Variants in BFSP2 observed in about 807,000 individuals in gnomAD.
The protein encoded by BFSP2 is beaded filament structural protein 2, also known as phakinin.
Under a neutral mutation model 44.9 loss-of-function variants are expected in BFSP2, and 38 were observed. The ratio of observed to expected loss-of-function variants is 0.85; its 90% CI spans 0.65 to 1.11. The LOEUF is 1.11. BFSP2 is among the 50% of genes least tolerant of loss of function. BFSP2 has a pLI of 0.00. For missense variants in BFSP2, 525 were observed against 533.0 expected, an observed-to-expected ratio of 0.99 and a Z score of 0.15; for synonymous variants, 197 against 209.9, an observed-to-expected ratio of 0.94 and a Z score of 0.53.
intron 1 of BFSP2, chr3:133,429,482 G>A (rs1424962728): frequency 6.6e-6 from 1 of 152,206 alleles, no homozygotes; most frequent in East Asian, 1.9e-4. Context: ...GCAACTGATT[G>A]GATGAGAATA....
chr3:133,473,958 T>C (rs1273176987), intron 6 of BFSP2, among the ~76,000 whole-genome samples: 2 of 152,188 alleles, frequency 1.3e-5, no homozygotes, highest in Non-Finnish European at 1.5e-5. Flanking sequence ...ATACTGGCCA[T>C]ACCCATCTGC....
intron 4 of BFSP2, among the ~76,000 whole-genome samples, chr3:133,452,268 G>T (rs2107928212): frequency 6.6e-6 from 1 of 152,170 alleles, no homozygotes; most frequent in South Asian, 2.1e-4. Flanking sequence ...TTCCCAGCAG[G>T]GTCTTCATCA....
At chr3:133,465,407 G>A (rs370778405) in intron 4 of BFSP2, among the ~76,000 whole-genome samples, 5 of 152,308 alleles carry the variant, frequency 3.3e-5, no homozygotes, top group African/African-American at 7.2e-5. Flanking sequence ...CCAGAAAACC[G>A]TAACCTAGGA....
intron 1 of BFSP2, among the ~76,000 whole-genome samples, chr3:133,427,672 C>A (rs1559965105): frequency 6.6e-6 from 1 of 152,202 alleles, no homozygotes; most frequent in East Asian, 1.9e-4. Flanking sequence ...CAGACACATC[C>A]ATCCTGGCAA....
chr3:133,409,662 A>T (rs963895209), intron 1 of BFSP2, among the ~76,000 whole-genome samples: 1 of 152,232 alleles, frequency 6.6e-6, no homozygotes, highest in African/African-American at 2.4e-5. Flanking sequence ...ATGAAAAACT[A>T]CTACAGTCAT....
At chr3:133,435,767 C>T (rs1000032623) in intron 1 of BFSP2, among the ~76,000 whole-genome samples, 2 of 152,148 alleles carry the variant, frequency 1.3e-5, no homozygotes, top group African/African-American at 2.4e-5. Flanking sequence ...CTGCTATGGC[C>T]TTCGTCTTCA....
In BFSP2 at chr3:133,428,592, G is replaced by A. The variant is rs183142730; in HGVS notation, c.490-18725G>A. On this transcript the variant is annotated intron_variant, in intron 1 of 6. Transcript: ENST00000302334. ...TGCCGTAAGCCTCAACAGGTCCCAC[G>A]CGAATTTCTGAGGAACTTAGATTCC... Among the ~76,000 whole-genome samples, 364 of 152,260 alleles carry A rather than the reference G, an allele frequency of 2.4e-3. 3 individuals are homozygous for A. Among genetic ancestry groups the A allele is most frequent in the African/African-American group, 8.2e-3 (341 of 41,548 alleles).
chr3:133,414,882 CTCAT>C (rs1209572064), intron 1 of BFSP2, among the ~76,000 whole-genome samples: 7 of 125,564 alleles, frequency 5.6e-5, no homozygotes, highest in Non-Finnish European at 9.7e-5. Context: ...CTCCCCTCTA[CTCAT>C]CCCTGTCCTC....
chr3:133,429,507 C>G (rs369457529), intron 1 of BFSP2: 1 of 152,204 alleles, frequency 6.6e-6, no homozygotes, highest in Non-Finnish European at 1.5e-5. Flanking sequence ...CATTATGGCA[C>G]GCAGGCAACC....
chr3:133,448,861 G>A (rs2073929294), intron 3 of BFSP2: 4 of 603,230 alleles, frequency 6.6e-6, no homozygotes, highest in Non-Finnish European at 5.8e-6. Context: ...GAACCAGTGT[G>A]GTACAGAAAC....
chr3:133,451,568 T>A (rs2073966296), intron 4 of BFSP2, among the ~76,000 whole-genome samples: 3 of 152,252 alleles, frequency 2.0e-5, no homozygotes, highest in Admixed American at 2.0e-4. Flanking sequence ...GCCTGTGGAC[T>A]GCAGTTTGCC....
At chr3:133,428,464 G>A (rs1474141642) in intron 1 of BFSP2, among the ~76,000 whole-genome samples, 2 of 128,620 alleles carry the variant, frequency 1.6e-5, no homozygotes, top group Non-Finnish European at 3.3e-5. Flanking sequence ...GGAACGTGGG[G>A]ACACAAAAAA....
At chr3:133,407,536 A>C in intron 1 of BFSP2, among the ~76,000 whole-genome samples, 1 of 152,200 alleles carries the variant, frequency 6.6e-6, no homozygotes, top group East Asian at 1.9e-4. Flanking sequence ...TCCCTTTGTA[A>C]GAACAGAAAG....
intron 1 of BFSP2, among the ~76,000 whole-genome samples, chr3:133,446,570 TTATATA>T (rs1168844039): frequency 1.3e-4 from 3 of 22,362 alleles, no homozygotes; most frequent in African/African-American, 1.5e-4. Flanking sequence ...AGCTCACCAT[TTATATA>T]TATATATATA....
At chr3:133,465,633 G>C (rs1456336102) in intron 4 of BFSP2, among the ~76,000 whole-genome samples, 1 of 152,186 alleles carries the variant, frequency 6.6e-6, no homozygotes, top group Non-Finnish European at 1.5e-5. Context: ...CTGGGTCACA[G>C]TTGTGACTAG....
chr3:133,461,292 A>G (rs1006630285), intron 4 of BFSP2, among the ~76,000 whole-genome samples: 1 of 152,196 alleles, frequency 6.6e-6, no homozygotes, highest in African/African-American at 2.4e-5. Context: ...CTTCATGTGC[A>G]AAAACATGCT....
At chr3:133,423,547 G>C (rs2073613987) in intron 1 of BFSP2, among the ~76,000 whole-genome samples, 1 of 151,416 alleles carries the variant, frequency 6.6e-6, no homozygotes, top group African/African-American at 2.4e-5. Context: ...GCGGGCGGTG[G>C]GGTGGTGGGG....
At chr3:133,473,569 A>G (rs1035515667) in intron 6 of BFSP2, among the ~76,000 whole-genome samples, 1 of 151,258 alleles carries the variant, frequency 6.6e-6, no homozygotes, top group Non-Finnish European at 1.5e-5. Context: ...ACAAGTGAAC[A>G]AAGGTCTCTG....
chr3:133,411,008 G>A (rs932433749), intron 1 of BFSP2, among the ~76,000 whole-genome samples: 1 of 152,168 alleles, frequency 6.6e-6, no homozygotes, highest in South Asian at 2.1e-4. Flanking sequence ...TGAATCCATA[G>A]AGACCTGTTA....
Sources: gnomAD v4.1 joint callset for allele counts (sites outside exome capture counted in the v4.1 genomes callset) on GRCh38, gnomAD v4.1.1 for gene constraint, MANE v1.5 for transcripts, NCBI Gene and HGNC (gene_info 2026-07-23, HGNC 2026-07-21) for gene names.